Variants in RNF20 observed in about 807,000 individuals in gnomAD.
RNF20 encodes E3 ubiquitin-protein ligase BRE1A.
A neutral mutation model predicts 126.2 loss-of-function variants in RNF20; 84 were observed. The observed-to-expected ratio is 0.67, with a 90% CI of 0.56 to 0.80. The LOEUF is 0.80. Among genes scored for constraint, RNF20 ranks in the 30% least tolerant of loss-of-function variants. The pLI, the probability that RNF20 is intolerant of heterozygous loss-of-function variation, is 0.00. For missense variants in RNF20, 869 were observed against 1,188.2 expected, an observed-to-expected ratio of 0.73 and a Z score of 3.95; for synonymous variants, 400 against 414.3, an observed-to-expected ratio of 0.97 and a Z score of 0.42.
chr9:101,535,955 T>G (rs1827176461), intron 2 of RNF20, among the ~76,000 whole-genome samples: 1 of 152,250 alleles, frequency 6.6e-6, no homozygotes, highest in African/African-American at 2.4e-5. Flanking sequence ...GACTCTGAGC[T>G]GTACCACTTC....
chr9:101,543,094 T>G (rs1429120668), intron 5 of RNF20, among the ~76,000 whole-genome samples: 1 of 152,252 alleles, frequency 6.6e-6, no homozygotes, highest in Admixed American at 6.5e-5. Flanking sequence ...CTATACAGTC[T>G]TTTATATTTA....
At chr9:101,538,125 AAAT>A (rs1827211770) in intron 2 of RNF20, among the ~76,000 whole-genome samples, 1 of 152,178 alleles carries the variant, frequency 6.6e-6, no homozygotes, top group Admixed American at 6.5e-5. Flanking sequence ...TGAGCTGGAA[AAAT>A]AGTGGTAGTT....
Position 101,551,763 on chromosome 9 carries a change from A to G in RNF20, c.1352A>G (p.Glu451Gly), listed in dbSNP as rs1213209755. 2 of 1,613,736 alleles carry G rather than the reference A, an allele frequency of 1.2e-6. No homozygotes were observed. The highest frequency in any genetic ancestry group is 1.7e-5 in the Admixed American group (1 of 59,888). ...GATACATTGGCCCAGGTCCGCAAGG[A>G]GTATGAAATGCTGAGGATAGAATTT... The part of the protein sequence containing the change: ...LEDTLAQVRK[E>G]YEMLRIEFEQ... Residue 451 changes from glutamate to glycine, a missense_variant, in exon 11 of 20, where the codon GAG becomes GGG. Coordinates refer to ENST00000389120, the MANE Select transcript of RNF20 (RefSeq NM_019592.7).
Position 101,560,866 on chromosome 9 carries a change from T to G in RNF20, c.2448T>G (p.Ile816Met). 1 of 1,613,672 alleles carries G rather than the reference T, an allele frequency of 6.2e-7. No homozygotes were observed. The highest frequency in any genetic ancestry group is 8.5e-7 in the Non-Finnish European group (1 of 1,179,698). Residue 816 changes from isoleucine (I) to methionine (M), a missense_variant, in exon 17 of 20, where the codon ATT becomes ATG. By Grantham distance (10) the Ile-to-Met change is conservative. Around this residue, in one of 8 missense-constraint regions of RNF20, gnomAD observed 150 missense variants for 173.7 expected, o/e 0.86. Transcript: ENST00000389120. ...EEKEHLLQSN[I>M]GTGEKELGLR... ...AGGAGCATCTGTTACAGAGCAACATTGGCACAGGGGAGAAAGAGCTGGGTC... is the reference window on the plus strand; with the variant it reads ...AGGAGCATCTGTTACAGAGCAACATGGGCACAGGGGAGAAAGAGCTGGGTC...
intron 16 of RNF20, among the ~76,000 whole-genome samples, chr9:101,558,337 C>T (rs1337855658): frequency 3.9e-5 from 6 of 152,098 alleles, no homozygotes; most frequent in Admixed American, 3.3e-4. Context: ...CAATTCCATC[C>T]GGATTGCTGT....
chr9:101,546,244 A>G (rs1157563048), intron 6 of RNF20, among the ~76,000 whole-genome samples: 5 of 152,310 alleles, frequency 3.3e-5, no homozygotes, highest in Admixed American at 1.3e-4. Context: ...TAGTAGTTAA[A>G]ATACTAAATA....
chr9:101,554,084 T>A lies in RNF20; in HGVS notation c.1998T>A (p.Ala666=). 3.1e-6 allele frequency: 5 copies of A among 1,608,564 alleles called. No homozygotes were observed. Among genetic ancestry groups the A allele is most frequent in the Non-Finnish European group, 4.3e-6 (5 of 1,174,996 alleles). Residue 666 remains alanine (A), a synonymous_variant, in exon 14 of 20, where the codon GCT becomes GCA. Transcript: ENST00000389120. ...EQRDKVQLMA[A]EKKSKAELED... The stretch of plus-strand genomic sequence containing the variant: ...GAGACAAAGTTCAGCTGATGGCAGC[T>A]GAGAAGAAGTCTAAGGCAGAGGTAT...
At chr9:101,561,674 A>C (rs935741476) in intron 18 of RNF20, among the ~76,000 whole-genome samples, 3 of 152,228 alleles carry the variant, frequency 2.0e-5, no homozygotes, top group Non-Finnish European at 4.4e-5. Context: ...ATGTGTTTTC[A>C]CAGGACTGAA....
intron 8 of RNF20, 49 bp from the exon 9 acceptor site, chr9:101,547,350 G>A: frequency 6.2e-7 from 1 of 1,611,014 alleles, no homozygotes; most frequent in Non-Finnish European, 8.5e-7. Context: ...GCTTAGAAAT[G>A]ATTTAAGAAG....
At position 101,561,204 on chromosome 9, in the gene RNF20, G is replaced by C. The variant is rs374721775; in HGVS notation, c.2623G>C (p.Asp875His). ...GGAGAACAGTGTTACCAAAGAAAAG[G>C]ACATGTTCAATTTCAAACGAGCCCA... ...IVENSVTKEKDMFNFKRAQED... is the reference protein window; with the variant it reads ...IVENSVTKEKHMFNFKRAQED... The change falls in exon 18 of 20, where the codon GAC becomes CAC. Residue 875 changes from aspartate to histidine, a missense_variant. By Grantham distance (81) the Asp-to-His change is moderately conservative. Around this residue, in one of 8 missense-constraint regions of RNF20, gnomAD observed 150 missense variants for 173.7 expected, o/e 0.86. Transcript: ENST00000389120. The C allele has an allele frequency of 6.2e-7, 1 of 1,613,744 alleles. No homozygotes were observed. Among genetic ancestry groups the C allele is most frequent in the South Asian group, 1.1e-5 (1 of 91,050 alleles).
At position 101,547,213 on chromosome 9, in the gene RNF20, A is replaced by T. The variant is rs1326404810; in HGVS notation, c.971A>T (p.Lys324Met). The change falls in exon 8 of 20, where the codon AAG becomes ATG. Residue 324 changes from lysine (K) to methionine (M), a missense_variant and splice_region_variant. Around this residue, in one of 8 missense-constraint regions of RNF20, gnomAD observed 153 missense variants for 226.4 expected, o/e 0.68. Transcript: ENST00000389120. ...GGCACAATCACTATCAATGCTCGGA[A>T]GGTAAAATCAGTGACTCAGGACATG... ...YGGTITINARKFEEMNAELEE... is the reference protein window; with the variant it reads ...YGGTITINARMFEEMNAELEE... The T allele has an allele frequency of 6.2e-7, 1 of 1,613,934 alleles. No individual in the cohort carries two copies. Among genetic ancestry groups the T allele is most frequent in the Non-Finnish European group, 8.5e-7 (1 of 1,179,926 alleles).
At chr9:101,541,175 A>G (rs1482941955) in intron 5 of RNF20, among the ~76,000 whole-genome samples, 200 bp downstream of exon 5, 2 of 151,840 alleles carry the variant, frequency 1.3e-5, no homozygotes, top group African/African-American at 4.9e-5. Context: ...AACTCAAGCA[A>G]TCTTTCTGCC....
intron 5 of RNF20, among the ~76,000 whole-genome samples, chr9:101,541,575 A>C (rs970889065): frequency 6.6e-6 from 1 of 152,194 alleles, no homozygotes; most frequent in Non-Finnish European, 1.5e-5. Flanking sequence ...TTATTATTTA[A>C]TAAACAGCTC....
rs1275598681 is a variant in RNF20 at position 101,533,931 on chromosome 9, A to G, written c.-27+17A>G. On this transcript the variant is annotated intron_variant, in intron 1 of 19. Transcript: ENST00000389120. ...CGGGCCTTGGTGAGTAACTGCTGCG[A>G]GTTCTGTTCCCGCGCGGCGCCAGTT... 6.6e-6 allele frequency: 1 copy of G among 152,310 alleles called. No homozygotes were observed. The highest frequency in any genetic ancestry group is 1.9e-4 in the East Asian group (1 of 5,186). The allele number at this position is 152,310 out of a possible 1,614,324, so 9.4% of individuals were successfully genotyped here.
chr9:101,552,982 T>C (rs901936808), intron 13 of RNF20, among the ~76,000 whole-genome samples: 2 of 152,182 alleles, frequency 1.3e-5, no homozygotes, highest in Non-Finnish European at 1.5e-5. Flanking sequence ...GGTAGCCTTA[T>C]TTTTATGAAT....
intron 11 of RNF20, 146 bp from the exon 12 acceptor site, chr9:101,551,995 A>G: frequency 1.5e-6 from 2 of 1,291,424 alleles, no homozygotes; most frequent in Non-Finnish European, 2.1e-6. Context: ...CAAGTTGACC[A>G]GTTTTGTTTT....
intron 16 of RNF20, among the ~76,000 whole-genome samples, chr9:101,558,737 C>G (rs190530323): frequency 5.8e-4 from 89 of 152,214 alleles, no homozygotes; most frequent in Non-Finnish European, 1.1e-3. Flanking sequence ...CCTTAGCCCA[C>G]TTTTTGGTGG....
intron 16 of RNF20, among the ~76,000 whole-genome samples, chr9:101,559,687 G>A (rs533984305): frequency 8.6e-5 from 13 of 152,042 alleles, no homozygotes; most frequent in Non-Finnish European, 1.8e-4. Flanking sequence ...TTGAGTTCTT[G>A]ATATGATTCT....
chr9:101,549,836 G>A (rs1028631106), intron 9 of RNF20, among the ~76,000 whole-genome samples: 2 of 152,196 alleles, frequency 1.3e-5, no homozygotes, highest in African/African-American at 2.4e-5. Flanking sequence ...ATTATAGAGC[G>A]AGGATTATTA....
Sources: allele counts gnomAD v4.1 joint callset (sites outside exome capture counted in the v4.1 genomes callset), GRCh38; gene constraint gnomAD v4.1.1; regional missense constraint gnomAD v4.1.1; transcripts MANE v1.5; gene names NCBI Gene and HGNC (gene_info 2026-07-23, HGNC 2026-07-21).